ZBTB44: variants seen among roughly 807,000 people sequenced by gnomAD.
ZBTB44 encodes the protein zinc finger and BTB domain-containing protein 44.
ZBTB44 carries 15 observed loss-of-function variants against 54.0 expected under a neutral mutation model. That is an observed-to-expected ratio of 0.28 (90% CI 0.19 to 0.43). The LOEUF is 0.43. Ranked by LOEUF, ZBTB44 falls within the 20% of genes least tolerant of loss-of-function variation. The probability of loss-of-function intolerance (pLI) is 1.00; values close to 1 mark genes in which losing one functional copy is unlikely to be tolerated. For synonymous variants in ZBTB44, 230 were observed against 250.1 expected, an observed-to-expected ratio of 0.92 and a Z score of 0.76; for missense variants, 487 against 707.1, an observed-to-expected ratio of 0.69 and a Z score of 3.53.
chr11:130,280,133 T>C (rs946435466), intron 1 of ZBTB44, among the ~76,000 whole-genome samples: 1 of 152,126 alleles, frequency 6.6e-6, no homozygotes, highest in African/African-American at 2.4e-5. Flanking sequence ...ACAGCCTTCA[T>C]TTCATTAGCA....
At chr11:130,257,538 C>T (rs1591970436) in intron 2 of ZBTB44, among the ~76,000 whole-genome samples, 2 of 152,156 alleles carry the variant, frequency 1.3e-5, no homozygotes, top group Admixed American at 1.3e-4. Context: ...CTGCCACAGG[C>T]TGGAAGAGAC....
intron 1 of ZBTB44, among the ~76,000 whole-genome samples, chr11:130,268,989 CTT>C (rs2134179169): frequency 6.6e-6 from 1 of 150,570 alleles, no homozygotes; most frequent in Admixed American, 6.6e-5. Flanking sequence ...AGCCAAGTCT[CTT>C]TAAAAAAAAA....
chr11:130,306,579 G>T (rs184170286), intron 1 of ZBTB44, among the ~76,000 whole-genome samples: 8 of 151,036 alleles, frequency 5.3e-5, no homozygotes, highest in Admixed American at 1.3e-4. Flanking sequence ...CAAAAGAAAA[G>T]AAGTCATTAT....
Position 130,234,157 on chromosome 11 carries a change from T to C in ZBTB44, c.1685A>G (p.Gln562Arg). 6.5e-6 allele frequency: 10 copies of C among 1,544,172 alleles called. No homozygotes were observed. Among genetic ancestry groups the C allele is most frequent in the Non-Finnish European group, 8.7e-6 (10 of 1,143,770 alleles). The change falls in exon 6 of 8, where the codon CAG becomes CGG. Residue 562 changes from glutamine to arginine, a missense_variant and splice_region_variant. Transcript: ENST00000357899. ...TTCACAATTCTGGGTTGAGGAGACC[T>C]GTGAAATGACAGGCATTTGAACAGA... is the stretch of plus-strand genomic sequence containing the variant. ...NSSVQMPVIS[Q>R]YHSKGKEP
At chr11:130,292,456 T>C (rs968796113) in intron 1 of ZBTB44, among the ~76,000 whole-genome samples, 1 of 152,174 alleles carries the variant, frequency 6.6e-6, no homozygotes, top group Non-Finnish European at 1.5e-5. Context: ...GCCTTGTCTA[T>C]ATTCTATAAC....
intron 1 of ZBTB44, among the ~76,000 whole-genome samples, chr11:130,278,918 T>C (rs1376516998): frequency 1.3e-5 from 2 of 152,224 alleles, no homozygotes; most frequent in East Asian, 3.8e-4. Flanking sequence ...ATCTGACATG[T>C]GGTCTCTCTC....
chr11:130,245,066 T>A (rs1290638311), intron 2 of ZBTB44, among the ~76,000 whole-genome samples: 1 of 152,234 alleles, frequency 6.6e-6, no homozygotes, highest in Non-Finnish European at 1.5e-5. Flanking sequence ...TACAGTGTTC[T>A]AATACTTGGG....
chr11:130,264,413 G>A (rs1364264230), intron 1 of ZBTB44, among the ~76,000 whole-genome samples: 1 of 151,748 alleles, frequency 6.6e-6, no homozygotes, highest in East Asian at 1.9e-4. Context: ...TAGTAGGCCT[G>A]AGGTGGGAAA....
rs567668641 is a variant in ZBTB44 at position 130,307,447 on chromosome 11, T to C, written c.-57+6928A>G. ...CTCAAAAAAAAAAAAAAAAGTCTAC[T>C]GTTATTGTTTTATCACATACCTATC... On this transcript the variant is annotated intron_variant, in intron 1 of 7. Transcript: ENST00000357899. 1.1e-4 allele frequency among the ~76,000 whole-genome samples: 16 copies of C among 151,520 alleles called. 1 individual carries two copies. Among genetic ancestry groups the C allele is most frequent in the Non-Finnish European group, 2.1e-4 (14 of 67,916 alleles).
At chr11:130,251,820 CAA>C (rs1337669628) in intron 2 of ZBTB44, among the ~76,000 whole-genome samples, 2 of 152,108 alleles carry the variant, frequency 1.3e-5, no homozygotes, top group African/African-American at 4.8e-5. Context: ...AAAAACACAC[CAA>C]AATACAAAGA....
rs566902711 is a variant in ZBTB44 at position 130,288,331 on chromosome 11, G to C, written c.-57+26044C>G. 2.1e-4 allele frequency among the ~76,000 whole-genome samples: 32 copies of C among 151,626 alleles called. 3 individuals are homozygous for C. The East Asian group carries it at 6.2e-3, about 30-fold the overall frequency. ...AGAGGTTGCAGTGAGCCGAGATCAT[G>C]CCACTGTTCTCCAGCCTGGGTGACA... On this transcript the variant is annotated intron_variant, in intron 1 of 7. Coordinates refer to ENST00000357899, the MANE Select transcript of ZBTB44 (RefSeq NM_001301098.2).
At chr11:130,266,131 C>A (rs1258651093) in intron 1 of ZBTB44, among the ~76,000 whole-genome samples, 1 of 152,216 alleles carries the variant, frequency 6.6e-6, no homozygotes, top group Non-Finnish European at 1.5e-5. Context: ...GGTGACTTAA[C>A]TGGAAGCCAA....
At chr11:130,298,906 A>T (rs1157552690) in intron 1 of ZBTB44, among the ~76,000 whole-genome samples, 3 of 152,118 alleles carry the variant, frequency 2.0e-5, no homozygotes, top group Non-Finnish European at 4.4e-5. Flanking sequence ...AAACATGGTG[A>T]AACCCATCTC....
At position 130,270,857 on chromosome 11, in the gene ZBTB44, G is replaced by GA. The variant is rs572826419; in HGVS notation, c.-56-8929dup. On this transcript the variant is annotated intron_variant, in intron 1 of 7. Coordinates refer to ENST00000357899, the MANE Select transcript of ZBTB44 (RefSeq NM_001301098.2). The stretch of plus-strand genomic sequence containing the variant: ...GATATACTGAGTTTAAAATACCTGA[G>GA]AAGAATATCCACATGTAAATTTATA... Among the ~76,000 whole-genome samples the GA allele has an allele frequency of 1.1e-4, 16 of 152,292 alleles. No homozygotes were observed. The East Asian group carries it at 3.1e-3, about 29-fold the overall frequency.
chr11:130,251,380 T>C (rs1416954787), intron 2 of ZBTB44, among the ~76,000 whole-genome samples: 4 of 152,100 alleles, frequency 2.6e-5, no homozygotes, highest in African/African-American at 9.7e-5. Flanking sequence ...CTTCAGAATA[T>C]TATCCAGGAC....
intron 1 of ZBTB44, among the ~76,000 whole-genome samples, chr11:130,302,891 C>G (rs769144046): frequency 1.3e-5 from 2 of 152,152 alleles, no homozygotes; most frequent in Non-Finnish European, 1.5e-5. Flanking sequence ...GGGAGAATCT[C>G]TTGAACCTGG....
rs926348866 is a variant in ZBTB44, at chr11:130,227,750, A to C, written c.*4014T>G. ...GCAAATATGACATTACAGAAAAACA[A>C]AATTTTATTTAAAAAATTGTTACAT... On this transcript the variant is annotated 3_prime_UTR_variant, in exon 8 of 8. Transcript: ENST00000357899. 1 of 152,246 alleles carries C rather than the reference A, an allele frequency of 6.6e-6. No individual in the cohort carries two copies. Among genetic ancestry groups the C allele is most frequent in the African/African-American group, 2.4e-5 (1 of 41,466 alleles). 9.4% of individuals were successfully genotyped at this position (152,246 alleles called of 1,614,324 possible). A position where few individuals can be genotyped will look rare whatever the true frequency, so the allele number is the denominator to read the frequency against.
At position 130,278,033 on chromosome 11, in the gene ZBTB44, C is replaced by A. The variant is rs61915096; in HGVS notation, c.-56-16104G>T. 4.3e-3 allele frequency among the ~76,000 whole-genome samples: 656 copies of A among 152,204 alleles called. 7 individuals are homozygous for A. The highest frequency in any genetic ancestry group is 0.015 in the African/African-American group (618 of 41,532). On this transcript the variant is annotated intron_variant, in intron 1 of 7. Transcript: ENST00000357899. ...ATTTTCTTACTATTTTAAAGATTTT[C>A]CCTTTTTAAACTTTTAGCGTTTTTA...
At position 130,227,896 on chromosome 11, in the gene ZBTB44, T is replaced by C. The variant is rs2136233432; in HGVS notation, c.*3868A>G. On this transcript the variant is annotated 3_prime_UTR_variant, in exon 8 of 8. Coordinates refer to ENST00000357899, the MANE Select transcript of ZBTB44 (RefSeq NM_001301098.2). Reference sequence around the variant, plus strand: ...TTATGCTTCTCTGGAAAGACACTTCTAAATCCTGGAGATTAAATTTACTCT... The same window carrying C: ...TTATGCTTCTCTGGAAAGACACTTCCAAATCCTGGAGATTAAATTTACTCT... 6.6e-6 allele frequency: 1 copy of C among 152,312 alleles called. No homozygotes were observed. The highest frequency in any genetic ancestry group is 6.5e-5 in the Admixed American group (1 of 15,290). The allele number at this position is 152,312 out of a possible 1,614,324, so 9.4% of individuals were successfully genotyped here. A position where few individuals can be genotyped will look rare whatever the true frequency, so the allele number is the denominator to read the frequency against.
Sources: allele counts gnomAD v4.1 joint callset (sites outside exome capture counted in the v4.1 genomes callset), GRCh38; gene constraint gnomAD v4.1.1; transcripts MANE v1.5; gene names NCBI Gene and HGNC (gene_info 2026-07-23, HGNC 2026-07-21).